The following TGM4 variants were observed in gnomAD, a reference collection of about 807,000 sequenced individuals.
TGM4 encodes the protein protein-glutamine gamma-glutamyltransferase 4.
TGM4 carries 61 observed loss-of-function variants against 76.3 expected under a neutral mutation model. That is an observed-to-expected ratio of 0.80 (90% confidence interval 0.65 to 0.99). The LOEUF (loss-of-function observed/expected upper bound fraction) is 0.99, where lower values mean the gene tolerates loss of function less well. TGM4 is among the 50% of genes least tolerant of loss of function. TGM4 has a pLI of 0.00. For synonymous variants in TGM4, 337 were observed against 329.8 expected (o/e 1.02, Z -0.24); for missense variants, 794 against 843.2 (o/e 0.94, Z 0.72).
intron 10 of TGM4, among the ~76,000 whole-genome samples, chr3:44,908,932 A>G (rs1361660113): frequency 6.6e-6 from 1 of 152,146 alleles, no homozygotes; most frequent in Non-Finnish European, 1.5e-5. Context: ...ATTTTAAAGA[A>G]CATAATATGG....
At chr3:44,879,574 G>A (rs948305408) in intron 1 of TGM4, among the ~76,000 whole-genome samples, 3 of 150,726 alleles carry the variant, frequency 2.0e-5, no homozygotes, top group East Asian at 2.0e-4. Context: ...CCAGGTTCAC[G>A]CCATTCTCCC....
At chr3:44,903,664 G>C in intron 8 of TGM4, 2 of 563,208 alleles carry the variant, frequency 3.6e-6, no homozygotes, top group Non-Finnish European at 6.4e-6. Context: ...CCCCAGCCCT[G>C]CCCCCTGCAC....
chr3:44,881,063 GCACT>G (rs758971137), intron 1 of TGM4, among the ~76,000 whole-genome samples: 2,982 of 152,216 alleles, frequency 0.02, 51 homozygotes, highest in Middle Eastern at 0.065. Context: ...ACTATGAAGT[GCACT>G]ATGGTGCACA....
chr3:44,910,455 A>G, intron 11 of TGM4, 87 bp downstream of exon 11: 2 of 1,464,312 alleles, frequency 1.4e-6, no homozygotes, highest in South Asian at 1.4e-5. Context: ...GACAACTTCC[A>G]TACATTGATA....
Position 44,893,597 on chromosome 3 carries a change from G to C in TGM4, c.451G>C (p.Asp151His). 3.7e-6 allele frequency: 6 copies of C among 1,613,850 alleles called. No individual in the cohort carries two copies. The highest frequency in any genetic ancestry group is 3.3e-5 in the Admixed American group (2 of 60,006). Residue 151 changes from aspartate to histidine, a missense_variant, in exon 5 of 14, where the codon GAT becomes CAT. Asp to His is a moderately conservative substitution (Grantham distance 81). Transcript: ENST00000296125. ...TTCAGAGGACATGGTTTTCATGCCTGATGAGGACGAGCGCAAAGAGTACAT... is the reference window on the plus strand; with the variant it reads ...TTCAGAGGACATGGTTTTCATGCCTCATGAGGACGAGCGCAAAGAGTACAT... ...WCKEDMVFMPDEDERKEYILN... is the reference protein window; with the variant it reads ...WCKEDMVFMPHEDERKEYILN...
intron 10 of TGM4, among the ~76,000 whole-genome samples, chr3:44,908,854 C>T (rs1379312483): frequency 2.0e-5 from 3 of 152,082 alleles, no homozygotes; most frequent in Non-Finnish European, 4.4e-5. Context: ...TACCCTGCCA[C>T]CCCCACACCA....
At chr3:44,882,861 T>G (rs1203590146) in intron 1 of TGM4, among the ~76,000 whole-genome samples, 2 of 152,374 alleles carry the variant, frequency 1.3e-5, no homozygotes, top group Non-Finnish European at 1.5e-5. Flanking sequence ...GAGTGCCTAC[T>G]GTGTGCCAGG....
intron 6 of TGM4, among the ~76,000 whole-genome samples, chr3:44,900,460 T>C (rs113441108): frequency 7.6e-4 from 116 of 152,316 alleles, no homozygotes; most frequent in African/African-American, 2.7e-3. Flanking sequence ...GGCCACACCA[T>C]TGTTTGAGAC....
In TGM4 at chr3:44,885,419, A is replaced by G; in HGVS notation, c.114A>G (p.Arg38=). 1.2e-6 allele frequency: 2 copies of G among 1,613,862 alleles called. No individual in the cohort carries two copies. The highest frequency in any genetic ancestry group is 1.7e-6 in the Non-Finnish European group (2 of 1,180,004). The part of the protein sequence containing the change: ...EFQTSSPVFR[R]GQVFHLRLVL... ...AAACGAGCAGTCCTGTGTTCCGGCG[A>G]GGACAGGTGTTTCACCTGCGGCTGG... Residue 38 remains arginine (R), a synonymous_variant, in exon 2 of 14, where the codon CGA becomes CGG. Transcript: ENST00000296125.
In TGM4 at chr3:44,893,605, C is replaced by T. The variant is rs145063277; in HGVS notation, c.459C>T (p.Asp153=). The part of the protein sequence containing the change: ...KEDMVFMPDE[D]ERKEYILNDT... ...ACATGGTTTTCATGCCTGATGAGGACGAGCGCAAAGAGTACATCCTCAATG... is the reference window on the plus strand; with the variant it reads ...ACATGGTTTTCATGCCTGATGAGGATGAGCGCAAAGAGTACATCCTCAATG... Residue 153 remains aspartate, a synonymous_variant, in exon 5 of 14, where the codon GAC becomes GAT. Transcript: ENST00000296125. The T allele has an allele frequency of 4.3e-5, 70 of 1,613,778 alleles. No individual in the cohort carries two copies. The African/African-American group carries it at 5.6e-4, about 13-fold the overall frequency.
At chr3:44,884,445 T>G (rs1575712166) in intron 1 of TGM4, among the ~76,000 whole-genome samples, 2 of 152,304 alleles carry the variant, frequency 1.3e-5, no homozygotes, top group South Asian at 4.1e-4. Context: ...TTATTTCTTT[T>G]ACTGAATGTA....
intron 9 of TGM4, 112 bp downstream of exon 9, chr3:44,904,099 A>T: frequency 1.1e-6 from 1 of 948,250 alleles, no homozygotes; most frequent in African/African-American, 1.6e-5. Flanking sequence ...TTTCATAAAA[A>T]TTTCCCAAAA....
chr3:44,890,486 AG>A (rs1330832579), intron 3 of TGM4, 116 bp from the exon 4 acceptor site: 59 of 1,438,574 alleles, frequency 4.1e-5, no homozygotes, highest in Non-Finnish European at 5.6e-5. Flanking sequence ...CCTTGTCTCC[AG>A]GCTGGTTCCA....
rs750958947 is a variant in TGM4 at position 44,911,113 on chromosome 3, G to A, written c.1762G>A (p.Glu588Lys). 1.9e-6 allele frequency: 3 copies of A among 1,614,160 alleles called. No homozygotes were observed. Among genetic ancestry groups the A allele is most frequent in the South Asian group, 2.2e-5 (2 of 91,086 alleles). Reference sequence around the variant, plus strand: ...AGTATTCACGTCTTTCCAGTACCCTGAGTTCTCTATAGAGGTGAGCTTCCT... The same window carrying A: ...AGTATTCACGTCTTTCCAGTACCCTAAGTTCTCTATAGAGGTGAGCTTCCT... ...SEVFTSFQYP[E>K]FSIELPNTGR... The change falls in exon 12 of 14, where the codon GAG becomes AAG. Residue 588 changes from glutamate to lysine, a missense_variant. By Grantham distance (56) the Glu-to-Lys change is moderately conservative (BLOSUM62 1). Transcript: ENST00000296125.
intron 9 of TGM4, among the ~76,000 whole-genome samples, chr3:44,905,895 G>A (rs1441963689): frequency 6.6e-6 from 1 of 152,218 alleles, no homozygotes; most frequent in Non-Finnish European, 1.5e-5. Flanking sequence ...TCCATCCAGG[G>A]AGTCTAAGTA....
At chr3:44,885,271 C>T (rs1340992746) in intron 1 of TGM4, 54 bp from the exon 2 acceptor site, 1 of 1,526,682 alleles carries the variant, frequency 6.6e-7, no homozygotes, top group Non-Finnish European at 8.9e-7. Context: ...AAGAGGTGAT[C>T]AGGGAATAAA....
Position 44,910,293 on chromosome 3 carries a change from G to A in TGM4, c.1531G>A (p.Glu511Lys), listed in dbSNP as rs760631668. ...LQNVNILGSF[E>K]LQLYTGKKMA... ...GAATGTCAACATCTTGGGCTCCTTT[G>A]AACTACAGTTGTACACTGGCAAGAA... is the stretch of plus-strand genomic sequence containing the variant. Residue 511 changes from glutamate to lysine, a missense_variant, in exon 11 of 14, where the codon GAA becomes AAA. Coordinates refer to ENST00000296125, the MANE Select transcript of TGM4 (RefSeq NM_003241.4). 5.6e-6 allele frequency: 9 copies of A among 1,614,170 alleles called. No homozygotes were observed. The South Asian group carries it at 9.9e-5, about 18-fold the overall frequency.
rs745983864 is a variant in TGM4 at position 44,893,647 on chromosome 3, C to T, written c.501C>T (p.Tyr167=). Reference sequence around the variant, plus strand: ...TCCTCAATGACACGGGCTGCCATTACGTGGGGGCTGCCAGAAGTATCAAAT... The same window carrying T: ...TCCTCAATGACACGGGCTGCCATTATGTGGGGGCTGCCAGAAGTATCAAAT... ...EYILNDTGCH[Y]VGAARSIKCK... The change falls in exon 5 of 14, where the codon TAC becomes TAT. Residue 167 remains tyrosine, a synonymous_variant. Coordinates refer to ENST00000296125, the MANE Select transcript of TGM4 (RefSeq NM_003241.4). 42 of 1,613,802 alleles carry T rather than the reference C, an allele frequency of 2.6e-5. No homozygotes were observed. The highest frequency in any genetic ancestry group is 3.0e-5 in the Non-Finnish European group (35 of 1,179,874).
chr3:44,898,005 G>A (rs1575721273), intron 6 of TGM4, among the ~76,000 whole-genome samples: 1 of 152,200 alleles, frequency 6.6e-6, no homozygotes, highest in Non-Finnish European at 1.5e-5. Flanking sequence ...AGGACGGCCG[G>A]GCGTGGTGGC....
Sources: gnomAD v4.1 joint callset for allele counts (sites outside exome capture counted in the v4.1 genomes callset) on GRCh38, gnomAD v4.1.1 for gene constraint, MANE v1.5 for transcripts, NCBI Gene and HGNC (gene_info 2026-07-23, HGNC 2026-07-21) for gene names.